Variants in CERKL observed in about 807,000 individuals in gnomAD.
CERKL encodes CERK like autophagy regulator.
Under a neutral mutation model 63.4 loss-of-function variants are expected in CERKL, and 61 were observed. That is an observed-to-expected ratio of 0.96 (90% confidence interval 0.78 to 1.19). The LOEUF (loss-of-function observed/expected upper bound fraction) is 1.19, where lower values mean the gene tolerates loss of function less well. CERKL is among the 50% of genes most tolerant of loss of function. The pLI, the probability that CERKL is intolerant of heterozygous loss-of-function variation, is 0.00. For missense variants in CERKL, 675 were observed against 655.5 expected (o/e 1.03, Z -0.33); for synonymous variants, 250 against 230.5 (o/e 1.08, Z -0.77).
intron 2 of CERKL, among the ~76,000 whole-genome samples, chr2:181,592,726 A>G (rs1455899053): frequency 2.0e-5 from 3 of 152,212 alleles, no homozygotes; most frequent in East Asian, 1.9e-4. Flanking sequence ...TTGAATCCCA[A>G]TTTCACAACT....
chr2:181,536,929 G>T lies in CERKL; in HGVS notation c.*1255C>A. On this transcript the variant is annotated 3_prime_UTR_variant, in exon 13 of 13. Transcript: ENST00000410087. ...AATGTGGAAAAACAATTCTGGGAAA[G>T]ATTTCTTTATATGAAGTCCCTGCCA... is the stretch of plus-strand genomic sequence containing the variant. 1 of 453,508 alleles carries T rather than the reference G, an allele frequency of 2.2e-6. No homozygotes were observed. The highest frequency in any genetic ancestry group is 4.4e-6 in the Non-Finnish European group (1 of 226,546). 28.1% of individuals were successfully genotyped at this position (453,508 alleles called of 1,614,324 possible).
At chr2:181,566,867 A>G (rs1045140267) in intron 3 of CERKL, among the ~76,000 whole-genome samples, 3 of 152,194 alleles carry the variant, frequency 2.0e-5, no homozygotes, top group African/African-American at 7.2e-5. Context: ...CTCTGCCAGA[A>G]GAGACAGCCC....
At chr2:181,593,481 T>A (rs1355352782) in intron 2 of CERKL, among the ~76,000 whole-genome samples, 1 of 151,938 alleles carries the variant, frequency 6.6e-6, no homozygotes, top group Non-Finnish European at 1.5e-5. Context: ...TTTTTATTTT[T>A]GAAAAGATAG....
At chr2:181,650,096 AGGGAGGG>A (rs1687845439) in intron 1 of CERKL, 8 of 51,518 alleles carry the variant, frequency 1.6e-4, no homozygotes. Flanking sequence ...GGAGGGAGGG[AGGGAGGG>A]AGGGAGGGAG....
intron 1 of CERKL, among the ~76,000 whole-genome samples, chr2:181,624,699 A>G (rs565807931): frequency 1.3e-4 from 19 of 148,580 alleles, no homozygotes; most frequent in African/African-American, 4.4e-4. Flanking sequence ...TCCAAGGAAG[A>G]GGCAACAGGA....
intron 2 of CERKL, among the ~76,000 whole-genome samples, chr2:181,600,038 G>A (rs992559604): frequency 6.6e-6 from 1 of 152,092 alleles, no homozygotes; most frequent in Non-Finnish European, 1.5e-5. Context: ...AGAGATCAGG[G>A]GCCTACTTTT....
rs914415083 is a variant in CERKL at position 181,558,821 on chromosome 2, C to T, written c.678-113G>A. On this transcript the variant is annotated intron_variant, in intron 4 of 12. Coordinates refer to ENST00000410087, the MANE Select transcript of CERKL (RefSeq NM_201548.5). The surrounding 1 kb of genome is among the most constrained non-coding windows in gnomAD (Gnocchi z 4.2). ...AATTTGTAGTCTATGTGCATAACTG[C>T]TCACATGTACCTTTAAACATGTTAA... is the stretch of plus-strand genomic sequence containing the variant. The T allele has an allele frequency of 8.0e-6, 8 of 1,000,806 alleles. No homozygotes were observed. The South Asian group carries it at 8.1e-5, about 10-fold the overall frequency. The allele number at this position is 1,000,806 out of a possible 1,614,324, so 62.0% of individuals were successfully genotyped here. A position where few individuals can be genotyped will look rare whatever the true frequency, so the allele number is the denominator to read the frequency against.
At chr2:181,613,455 C>T (rs763787110) in intron 1 of CERKL, among the ~76,000 whole-genome samples, 17 of 152,182 alleles carry the variant, frequency 1.1e-4, no homozygotes, top group Non-Finnish European at 2.4e-4. Context: ...CCTTGTAAGG[C>T]TCTGAGCAGT....
chr2:181,584,730 C>T (rs1684685396), intron 2 of CERKL, among the ~76,000 whole-genome samples: 1 of 151,704 alleles, frequency 6.6e-6, no homozygotes, highest in Non-Finnish European at 1.5e-5. Flanking sequence ...CTCATATATA[C>T]ACCACTCTCT....
At chr2:181,546,082 CA>C (rs1687714504) in intron 10 of CERKL, among the ~76,000 whole-genome samples, 1 of 152,084 alleles carries the variant, frequency 6.6e-6, no homozygotes, top group South Asian at 2.1e-4. Flanking sequence ...AATCTCCGGT[CA>C]AATGAGTCTT....
At chr2:181,630,508 G>A (rs1686911043) in intron 1 of CERKL, among the ~76,000 whole-genome samples, 1 of 152,172 alleles carries the variant, frequency 6.6e-6, no homozygotes, top group South Asian at 2.1e-4. Context: ...GGTTAAATGA[G>A]GTCATAGCAT....
chr2:181,567,396 C>A (rs1298092440), intron 3 of CERKL, among the ~76,000 whole-genome samples: 1 of 152,042 alleles, frequency 6.6e-6, no homozygotes, highest in Non-Finnish European at 1.5e-5. Context: ...TACTTTTATA[C>A]CAAAGCTTAC....
At chr2:181,547,957 T>C in intron 8 of CERKL, 110 bp from the exon 9 acceptor site, 2 of 1,055,506 alleles carry the variant, frequency 1.9e-6, no homozygotes, top group South Asian at 1.4e-5. Flanking sequence ...CATCATTATA[T>C]ATGTTAAATA....
chr2:181,642,071 T>C (rs369082213), intron 1 of CERKL, among the ~76,000 whole-genome samples: 67 of 152,342 alleles, frequency 4.4e-4, no homozygotes, highest in African/African-American at 1.5e-3. Context: ...TTTGAGTCTT[T>C]GCATACATCT....
chr2:181,618,659 G>T (rs543501490), intron 1 of CERKL, among the ~76,000 whole-genome samples: 1 of 152,022 alleles, frequency 6.6e-6, no homozygotes, highest in African/African-American at 2.4e-5. Context: ...TGATCCACCC[G>T]CCTCGGCCTC....
chr2:181,537,908 C>G lies in CERKL; in HGVS notation c.*276G>C, dbSNP rs72883650. Reference sequence around the variant, plus strand: ...ATGGAGCATTACTGAGTTCCTCCCCCTGTCAGATCAGCAGCAGCATTAGAT... The same window carrying G: ...ATGGAGCATTACTGAGTTCCTCCCCGTGTCAGATCAGCAGCAGCATTAGAT... On this transcript the variant is annotated 3_prime_UTR_variant, in exon 13 of 13. Transcript: ENST00000410087. 5 of 569,914 alleles carry G rather than the reference C, an allele frequency of 8.8e-6. No individual in the cohort carries two copies. In the East Asian group the frequency reaches 1.6e-4, roughly 18 times the overall value. The allele number at this position is 569,914 out of a possible 1,614,324, so 35.3% of individuals were successfully genotyped here.
At chr2:181,597,204 C>T (rs528278150) in intron 2 of CERKL, among the ~76,000 whole-genome samples, 84 of 152,264 alleles carry the variant, frequency 5.5e-4, no homozygotes, top group African/African-American at 2.0e-3. Flanking sequence ...TTTTATTGAG[C>T]AAATTTTACA....
intron 10 of CERKL, among the ~76,000 whole-genome samples, chr2:181,545,720 T>C (rs1367243313): frequency 6.6e-6 from 1 of 152,172 alleles, no homozygotes; most frequent in Non-Finnish European, 1.5e-5. Context: ...ATGCTTTCCA[T>C]CATGCTTCTT....
chr2:181,579,650 C>A (rs1684414402), intron 2 of CERKL, among the ~76,000 whole-genome samples: 1 of 151,792 alleles, frequency 6.6e-6, no homozygotes, highest in South Asian at 2.1e-4. Flanking sequence ...GGCCTCTGGG[C>A]TTTGTATGAT....
Sources: allele counts gnomAD v4.1 joint callset (sites outside exome capture counted in the v4.1 genomes callset), GRCh38; gene constraint gnomAD v4.1.1; non-coding constraint Gnocchi (gnomAD v3.1); transcripts MANE v1.5; gene names NCBI Gene and HGNC (gene_info 2026-07-23, HGNC 2026-07-21).